SCFD1: variants seen among roughly 807,000 people sequenced by gnomAD.
SCFD1 encodes sec1 family domain-containing protein 1.
A neutral mutation model predicts 103.2 loss-of-function variants in SCFD1; 37 were observed. The observed-to-expected ratio is 0.36, with a 90% CI of 0.28 to 0.47. The LOEUF (loss-of-function observed/expected upper bound fraction) is 0.47, where lower values mean the gene tolerates loss of function less well. SCFD1 is among the 20% of genes least tolerant of loss of function. The pLI, the probability that SCFD1 is intolerant of heterozygous loss-of-function variation, is 1.00. For missense variants in SCFD1, 639 were observed against 761.2 expected (o/e 0.84, Z 1.89); for synonymous variants, 264 against 245.0 (o/e 1.08, Z -0.73).
At chr14:30,638,699 T>C (rs1218594779) in intron 5 of SCFD1, among the ~76,000 whole-genome samples, 2 of 152,192 alleles carry the variant, frequency 1.3e-5, no homozygotes, top group Non-Finnish European at 2.9e-5. Context: ...AAAGTGCCTC[T>C]GTTGCATATT....
At chr14:30,633,461 A>G (rs973294066) in intron 3 of SCFD1, among the ~76,000 whole-genome samples, 2 of 152,206 alleles carry the variant, frequency 1.3e-5, no homozygotes, top group Non-Finnish European at 2.9e-5. Flanking sequence ...TTTCATTTAA[A>G]AAATATATTT....
intron 14 of SCFD1, chr14:30,676,115 G>A (rs1465504158): frequency 6.6e-6 from 1 of 152,160 alleles, no homozygotes; most frequent in Non-Finnish European, 1.5e-5. Context: ...GTCTCTTGTG[G>A]AGGTGATACA....
At chr14:30,656,139 A>G (rs561057201) in intron 10 of SCFD1, among the ~76,000 whole-genome samples, 10 of 151,976 alleles carry the variant, frequency 6.6e-5, no homozygotes, top group African/African-American at 2.4e-4. Flanking sequence ...TGAGGTGCCC[A>G]TTAAGATATC....
chr14:30,713,870 G>T (rs907244291), intron 19 of SCFD1, among the ~76,000 whole-genome samples: 2 of 152,066 alleles, frequency 1.3e-5, no homozygotes, highest in African/African-American at 2.4e-5. Context: ...ATGTTGCAAA[G>T]TACTTCATTA....
intron 15 of SCFD1, among the ~76,000 whole-genome samples, chr14:30,695,976 G>C (rs1435854806): frequency 6.6e-6 from 1 of 152,122 alleles, no homozygotes; most frequent in Non-Finnish European, 1.5e-5. Context: ...TCTACATAGA[G>C]TCTTAGTCTC....
chr14:30,657,981 AG>A, intron 10 of SCFD1: 2 of 399,796 alleles, frequency 5.0e-6, no homozygotes, highest in Non-Finnish European at 4.9e-6. Flanking sequence ...AAAAAAAAAA[AG>A]AAAAAGCAAC....
At chr14:30,625,720 T>TATACCG (rs1883360559) in intron 1 of SCFD1, among the ~76,000 whole-genome samples, 1 of 48,532 alleles carries the variant, frequency 2.1e-5, no homozygotes, top group African/African-American at 3.3e-4. Context: ...GGTATATAGG[T>TATACCG]ATATAGGTAT....
intron 10 of SCFD1, chr14:30,658,090 G>A (rs1887081449): frequency 8.8e-6 from 4 of 455,278 alleles, no homozygotes; most frequent in African/African-American, 2.0e-5. Context: ...CAGGAGAGGT[G>A]GATTTGATTG....
rs73251199 is a variant in SCFD1, at chr14:30,670,003, A to G, written c.856-253A>G. 2,841 of 325,944 alleles carry G rather than the reference A, an allele frequency of 8.7e-3. 100 individuals are homozygous for G. The highest frequency in any genetic ancestry group is 0.057 in the African/African-American group (2,587 of 45,012). The allele number at this position is 325,944 out of a possible 1,614,324, so 20.2% of individuals were successfully genotyped here. A position where few individuals can be genotyped will look rare whatever the true frequency, so the allele number is the denominator to read the frequency against. On this transcript the variant is annotated intron_variant, in intron 10 of 24. Transcript: ENST00000458591. ...TGTGTATGTGCTATTATATGCATCA[A>G]TGTTTTTCTAGAAGGATACACAAGC...
Position 30,719,393 on chromosome 14 carries a change from C to A in SCFD1, c.1736+16C>A. On this transcript the variant is annotated intron_variant, in intron 21 of 24. Transcript: ENST00000458591. ...GCAATGACAGGTAAGCAGCTTTTGTCTTGTTTAACTTGTGGATTTTTTCCC... is the reference window on the plus strand; with the variant it reads ...GCAATGACAGGTAAGCAGCTTTTGTATTGTTTAACTTGTGGATTTTTTCCC... The A allele has an allele frequency of 6.3e-7, 1 of 1,586,572 alleles. No homozygotes were observed. Among genetic ancestry groups the A allele is most frequent in the Non-Finnish European group, 8.6e-7 (1 of 1,162,822 alleles).
chr14:30,625,457 A>G (rs1883293178), intron 1 of SCFD1, among the ~76,000 whole-genome samples: 1 of 152,130 alleles, frequency 6.6e-6, no homozygotes, highest in South Asian at 2.1e-4. Flanking sequence ...AACCTGTAGT[A>G]TATTTAGAGC....
Position 30,665,303 on chromosome 14 carries a change from G to A in SCFD1, c.856-4953G>A, listed in dbSNP as rs538595915. ...TATACAGCCAAACTAAGCTTCAGAA[G>A]TGAAGGAGAAATAAAATCCTTTACA... On this transcript the variant is annotated intron_variant, in intron 10 of 24. Coordinates refer to ENST00000458591, the MANE Select transcript of SCFD1 (RefSeq NM_016106.4). Among the ~76,000 whole-genome samples, 5 of 152,288 alleles carry A rather than the reference G, an allele frequency of 3.3e-5. No homozygotes were observed. The East Asian group carries it at 9.6e-4, about 29-fold the overall frequency.
At chr14:30,640,657 T>C (rs1018970252) in intron 6 of SCFD1, among the ~76,000 whole-genome samples, 2 of 152,070 alleles carry the variant, frequency 1.3e-5, no homozygotes, top group Non-Finnish European at 2.9e-5. Context: ...TTTTAAATTT[T>C]ATTAATAAAT....
intron 8 of SCFD1, 142 bp downstream of exon 8, chr14:30,649,725 A>G (rs1043357969): frequency 4.7e-6 from 3 of 642,146 alleles, no homozygotes; most frequent in Admixed American, 3.6e-5. Context: ...ATTTTATTAC[A>G]TTGAGATTGC....
chr14:30,672,833 T>A lies in SCFD1; in HGVS notation c.996-424T>A, dbSNP rs570415692. ...GTTACTTGCAGGTGATATTTTTAAA[T>A]GCTGTCTTTGTAGTTGCATGGACCC... On this transcript the variant is annotated intron_variant, in intron 11 of 24. Coordinates refer to ENST00000458591, the MANE Select transcript of SCFD1 (RefSeq NM_016106.4). 4.6e-5 allele frequency among the ~76,000 whole-genome samples: 7 copies of A among 152,332 alleles called. No individual in the cohort carries two copies. The East Asian group carries it at 1.3e-3, about 29-fold the overall frequency.
At chr14:30,724,364 T>G (rs1039198589) in intron 23 of SCFD1, among the ~76,000 whole-genome samples, 3 of 147,610 alleles carry the variant, frequency 2.0e-5, no homozygotes, top group Admixed American at 1.4e-4. Flanking sequence ...GCGATTCTCC[T>G]GCCTCAGCCT....
intron 8 of SCFD1, among the ~76,000 whole-genome samples, 154 bp downstream of exon 8, chr14:30,649,737 C>G (rs937131568): frequency 6.6e-6 from 1 of 152,054 alleles, no homozygotes; most frequent in East Asian, 1.9e-4. Context: ...TGAGATTGCA[C>G]CGAAGATAAA....
chr14:30,718,150 A>G (rs933561046), intron 20 of SCFD1, among the ~76,000 whole-genome samples: 1 of 152,208 alleles, frequency 6.6e-6, no homozygotes, highest in Non-Finnish European at 1.5e-5. Flanking sequence ...AGTTAAAGAA[A>G]CATAAGTCAT....
At chr14:30,691,932 CTTTATTTATTTATTTA>C (rs10639442) in intron 14 of SCFD1, among the ~76,000 whole-genome samples, 3 of 143,148 alleles carry the variant, frequency 2.1e-5, no homozygotes, top group African/African-American at 7.8e-5. Flanking sequence ...ATTTAGCATA[CTTTATTTATTTATTTA>C]TTTATTTATT....
Sources: gnomAD v4.1 joint callset for allele counts (sites outside exome capture counted in the v4.1 genomes callset) on GRCh38, gnomAD v4.1.1 for gene constraint, MANE v1.5 for transcripts, NCBI Gene and HGNC (gene_info 2026-07-23, HGNC 2026-07-21) for gene names.